The following AMY2A variants were observed in gnomAD, a reference collection of about 807,000 sequenced individuals.
AMY2A encodes amylase alpha 2A, also known as pancreatic alpha-amylase.
Under a neutral mutation model 43.0 loss-of-function variants are expected in AMY2A, and 16 were observed. The ratio of observed to expected loss-of-function variants is 0.37; its 90% CI spans 0.25 to 0.56. The LOEUF is 0.56. Ranked by LOEUF, AMY2A falls within the 20% of genes least tolerant of loss-of-function variation. The pLI is 0.77. For synonymous variants in AMY2A, 70 were observed against 144.6 expected, an observed-to-expected ratio of 0.48 and a Z score of 3.70; for missense variants, 212 against 456.8, an observed-to-expected ratio of 0.46 and a Z score of 4.89.
intron 2 of AMY2A, among the ~76,000 whole-genome samples, chr1:103,618,427 T>G (rs1028183292): frequency 1.3e-5 from 2 of 150,778 alleles, no homozygotes; most frequent in Non-Finnish European, 3.0e-5. Flanking sequence ...TTTGCTATCA[T>G]TTTTAGGTGA....
chr1:103,623,752 T>C, intron 7 of AMY2A, 114 bp from the exon 8 acceptor site: 1 of 1,210,422 alleles, frequency 8.3e-7, no homozygotes, highest in East Asian at 2.3e-5. Context: ...GGATTCTAGA[T>C]AAAGTCACTG....
upstream of AMY2A, chr1:103,617,287 T>C (rs752257632): frequency 7.9e-5 from 113 of 1,427,512 alleles, 5 homozygotes; most frequent in Middle Eastern, 2.6e-4. Context: ...TGATGTTCTT[T>C]ACCTGTTAGG....
chr1:103,624,400 CT>C (rs1258479313), intron 9 of AMY2A, among the ~76,000 whole-genome samples, 179 bp downstream of exon 9: 2 of 12,094 alleles, frequency 1.7e-4, no homozygotes, highest in Admixed American at 9.6e-4. Context: ...CTCCTTCGTT[CT>C]TTTTTTTTCA....
At chr1:103,618,156 CTT>C in intron 2 of AMY2A, 56 bp downstream of exon 2, 1 of 1,562,620 alleles carries the variant, frequency 6.4e-7, no homozygotes. Context: ...GTTTCTCTCT[CTT>C]CTTTCTTGCT....
chr1:103,617,071 C>A, upstream of AMY2A: 1 of 963,736 alleles, frequency 1.0e-6, no homozygotes, highest in Non-Finnish European at 1.3e-6. Flanking sequence ...TAAAAGTATT[C>A]ATCCTTTTAA....
At chr1:103,617,840 T>C (rs1231256621) in intron 1 of AMY2A, 114 bp from the exon 2 acceptor site, 6 of 1,554,948 alleles carry the variant, frequency 3.9e-6, no homozygotes, top group East Asian at 2.2e-5. Context: ...TTTCAAGAGA[T>C]AGCTGCCTAT....
upstream of AMY2A, chr1:103,617,363 A>G: frequency 2.6e-6 from 4 of 1,553,902 alleles, 1 homozygote; most frequent in Non-Finnish European, 3.5e-6. Flanking sequence ...TATTCATGCT[A>G]ATATTTACTT....
chr1:103,618,099 G>C lies in AMY2A; in HGVS notation c.314G>C (p.Gly105Ala), dbSNP rs1479956886. The C allele has an allele frequency of 1.3e-6, 2 of 1,595,606 alleles. No homozygotes were observed. The highest frequency in any genetic ancestry group is 2.7e-5 in the African/African-American group (2 of 74,578). The change falls in exon 2 of 10, where the codon GGG becomes GCG. Residue 105 changes from glycine to alanine, a missense_variant and splice_region_variant. By Grantham distance (60) the Gly-to-Ala change is moderately conservative (BLOSUM62 0). Around this residue, in one of 2 missense-constraint regions of AMY2A, gnomAD observed 199 missense variants for 210.6 expected, o/e 0.94. Transcript: ENST00000414303. ...ATGGTGACTAGATGTAACAATGTTG[G>C]GGTAAGTGAATTCTAGTTTCCTTTA... ...RNMVTRCNNV[G>A]VRIYVDAVIN...
chr1:103,618,144 T>C, intron 2 of AMY2A, 44 bp downstream of exon 2: 1 of 1,582,868 alleles, frequency 6.3e-7, no homozygotes, highest in Non-Finnish European at 8.6e-7. Flanking sequence ...GACAGGAAAA[T>C]GGTTTCTCTC....
intron 2 of AMY2A, among the ~76,000 whole-genome samples, chr1:103,618,678 G>A (rs1653148098): frequency 6.6e-6 from 1 of 150,422 alleles, no homozygotes; most frequent in African/African-American, 2.4e-5. Flanking sequence ...GGTAGTTTCT[G>A]GTCTCTCAAT....
intron 2 of AMY2A, among the ~76,000 whole-genome samples, 182 bp downstream of exon 2, chr1:103,618,282 T>C (rs1359813068): frequency 6.6e-6 from 1 of 150,856 alleles, no homozygotes; most frequent in African/African-American, 2.4e-5. Context: ...GTGTGTGTGC[T>C]ATCTACTAAA....
chr1:103,618,622 AG>A (rs1379040036), intron 2 of AMY2A, among the ~76,000 whole-genome samples: 1 of 150,470 alleles, frequency 6.6e-6, no homozygotes, highest in African/African-American at 2.4e-5. Flanking sequence ...CTCTCATCTG[AG>A]TTTTGTCTTC....
chr1:103,617,793 T>C (rs1312836418), intron 1 of AMY2A, among the ~76,000 whole-genome samples, 161 bp from the exon 2 acceptor site: 1 of 150,702 alleles, frequency 6.6e-6, no homozygotes, highest in Admixed American at 6.6e-5. Context: ...TGAGATAATC[T>C]TTCTTCACCA....
chr1:103,616,816 C>T (rs529964814), upstream of AMY2A: 655 of 212,026 alleles, frequency 3.1e-3, 18 homozygotes, highest in Non-Finnish European at 4.3e-3. Context: ...CAGTCTGGCT[C>T]GGTGAGTCTG....
rs1653116944 is a variant in AMY2A at position 103,617,710 on chromosome 1, T to C, written c.168+102T>C. On this transcript the variant is annotated intron_variant, in intron 1 of 9. Coordinates refer to ENST00000414303, the MANE Select transcript of AMY2A (RefSeq NM_000699.4). ...CTTGGGCAACATTTTACTTCACAGGTAAGTATTCTAAGTAAAAGAGATTTC... is the reference window on the plus strand; with the variant it reads ...CTTGGGCAACATTTTACTTCACAGGCAAGTATTCTAAGTAAAAGAGATTTC... 4 of 1,577,488 alleles carry C rather than the reference T, an allele frequency of 2.5e-6. 1 individual carries two copies. Among genetic ancestry groups the C allele is most frequent in the Non-Finnish European group, 3.5e-6 (4 of 1,156,594 alleles).
rs1331045774 is a variant in AMY2A, at chr1:103,618,453, G to A, written c.315+353G>A. Among the ~76,000 whole-genome samples the A allele has an allele frequency of 4.0e-5, 6 of 150,594 alleles. 1 individual carries two copies. Among genetic ancestry groups the A allele is most frequent in the East Asian group, 1.9e-4 (1 of 5,190 alleles). ...TTTTAGGTGACTTGTGTCTCCATCC[G>A]TAATTCTTGGGTTTTTCATGGTGAA... On this transcript the variant is annotated intron_variant, in intron 2 of 9. Coordinates refer to ENST00000414303, the MANE Select transcript of AMY2A (RefSeq NM_000699.4).
At chr1:103,619,883 A>G in intron 4 of AMY2A, 99 bp downstream of exon 4, 1 of 1,525,762 alleles carries the variant, frequency 6.6e-7, no homozygotes, top group Non-Finnish European at 9.0e-7. Context: ...ATAAGGAATG[A>G]GACATTTACA....
At chr1:103,619,253 A>G in intron 3 of AMY2A, 145 bp downstream of exon 3, 1 of 898,444 alleles carries the variant, frequency 1.1e-6, no homozygotes, top group Non-Finnish European at 1.7e-6. Flanking sequence ...TAAGAAACTC[A>G]AATCCATATT....
At chr1:103,618,695 T>C (rs940030133) in intron 2 of AMY2A, among the ~76,000 whole-genome samples, 1 of 150,724 alleles carries the variant, frequency 6.6e-6, no homozygotes, top group Non-Finnish European at 1.5e-5. Flanking sequence ...CAATTTATCA[T>C]TCCTATAAAT....
Sources: allele counts gnomAD v4.1 joint callset (sites outside exome capture counted in the v4.1 genomes callset), GRCh38; gene constraint gnomAD v4.1.1; regional missense constraint gnomAD v4.1.1; transcripts MANE v1.5; gene names NCBI Gene and HGNC (gene_info 2026-07-23, HGNC 2026-07-21).